The following NIPSNAP3A variants were observed in gnomAD, a reference collection of about 807,000 sequenced individuals.
NIPSNAP3A encodes the protein protein NipSnap homolog 3A.
NIPSNAP3A carries 27 observed loss-of-function variants against 32.3 expected under a neutral mutation model. The observed-to-expected ratio is 0.84, with a 90% CI of 0.62 to 1.15. The LOEUF is 1.15. Ranked by LOEUF, NIPSNAP3A falls within the 50% of genes most tolerant of loss-of-function variation. The pLI is 0.00. For synonymous variants in NIPSNAP3A, 108 were observed against 107.3 expected, an observed-to-expected ratio of 1.01 and a Z score of -0.04; for missense variants, 278 against 297.2, an observed-to-expected ratio of 0.94 and a Z score of 0.48.
intron 1 of NIPSNAP3A, among the ~76,000 whole-genome samples, chr9:104,748,841 G>T (rs1381494349): frequency 6.6e-6 from 1 of 152,194 alleles, no homozygotes; most frequent in African/African-American, 2.4e-5. Context: ...TCTCTTTTAA[G>T]TGAAGTGGAG....
intron 4 of NIPSNAP3A, among the ~76,000 whole-genome samples, chr9:104,758,055 C>T (rs1446780344): frequency 2.0e-5 from 3 of 151,952 alleles, no homozygotes; most frequent in Admixed American, 6.6e-5. Context: ...ATTATAAAAA[C>T]TTCATAAGCA....
intron 1 of NIPSNAP3A, among the ~76,000 whole-genome samples, chr9:104,748,265 G>T (rs1827802944): frequency 6.6e-6 from 1 of 152,196 alleles, no homozygotes; most frequent in Non-Finnish European, 1.5e-5. Context: ...CCAAGCCACC[G>T]CCCTCTCTAG....
chr9:104,754,622 G>A lies in NIPSNAP3A; in HGVS notation c.502G>A (p.Ala168Thr). The change falls in exon 4 of 6, where the codon GCA becomes ACA. Residue 168 changes from alanine (A) to threonine (T), a missense_variant. Transcript: ENST00000374767. ...PALWGDAFKR[A>T]VHAHVNLGYT... The stretch of plus-strand genomic sequence containing the variant: ...TCTGTGGGGTGATGCATTTAAAAGG[G>A]CAGTTCATGCTCATGTCAATCTAGG... The A allele has an allele frequency of 6.2e-7, 1 of 1,613,972 alleles. No homozygotes were observed. The highest frequency in any genetic ancestry group is 1.1e-5 in the South Asian group (1 of 91,082).
intron 4 of NIPSNAP3A, among the ~76,000 whole-genome samples, chr9:104,755,394 A>C (rs2118756877): frequency 6.6e-6 from 1 of 152,160 alleles, no homozygotes; most frequent in African/African-American, 2.4e-5. Context: ...GTTTTGTATA[A>C]ATATGAAAAC....
At position 104,753,014 on chromosome 9, in the gene NIPSNAP3A, A is replaced by T. The variant is rs1051115577; in HGVS notation, c.380A>T (p.Glu127Val). 9.3e-6 allele frequency: 15 copies of T among 1,613,388 alleles called. No individual in the cohort carries two copies. The African/African-American group carries it at 1.7e-4, about 19-fold the overall frequency. The part of the protein sequence containing the change: ...NLALIDKQES[E>V]ITYLVPWCKL... ...GCTCTCATTGATAAACAAGAGAGTG[A>T]GATTACTTATCTGGTACCATGGTGC... Residue 127 changes from glutamate (E) to valine (V), a missense_variant, in exon 3 of 6, where the codon GAG (glutamate) becomes GTG (valine). By Grantham distance (121) the Glu-to-Val change is moderately radical (BLOSUM62 -2). Transcript: ENST00000374767.
Position 104,758,461 on chromosome 9 carries a change from G to C in NIPSNAP3A, c.581-624G>C, listed in dbSNP as rs546254959. ...TAAAAATCAAGGGAAAATATAGTAG[G>C]AAATCATAAAATTTGGGTCTTGTCT... On this transcript the variant is annotated intron_variant, in intron 4 of 5. Transcript: ENST00000374767. 1.2e-3 allele frequency among the ~76,000 whole-genome samples: 186 copies of C among 152,134 alleles called. 3 individuals are homozygous for C. Among genetic ancestry groups the C allele is most frequent in the Admixed American group, 2.0e-3 (31 of 15,284 alleles).
At chr9:104,752,579 G>T (rs1827859125) in intron 2 of NIPSNAP3A, among the ~76,000 whole-genome samples, 1 of 152,144 alleles carries the variant, frequency 6.6e-6, no homozygotes, top group Non-Finnish European at 1.5e-5. Flanking sequence ...CAACCCTGGA[G>T]GTAGATGTCT....
chr9:104,751,100 T>C lies in NIPSNAP3A; in HGVS notation c.205T>C (p.Leu69=), dbSNP rs760200090. 2.5e-6 allele frequency: 4 copies of C among 1,613,934 alleles called. No individual in the cohort carries two copies. Among genetic ancestry groups the C allele is most frequent in the African/African-American group, 2.7e-5 (2 of 74,922 alleles). The part of the protein sequence containing the change: ...NAHLRTAHSE[L]VGYWSVEFGG... ...TCATCTTCGGACAGCTCACTCTGAA[T>C]TGGTTGGATACTGGAGTGTAGAATT... Residue 69 remains leucine, a synonymous_variant, in exon 2 of 6, where the codon TTG becomes CTG. Transcript: ENST00000374767.
intron 1 of NIPSNAP3A, among the ~76,000 whole-genome samples, chr9:104,749,412 G>A (rs1280811813): frequency 6.6e-6 from 1 of 152,200 alleles, no homozygotes; most frequent in Admixed American, 6.5e-5. Flanking sequence ...ATCATACACA[G>A]TTACATAATT....
chr9:104,748,060 A>G (rs1827798608), intron 1 of NIPSNAP3A, among the ~76,000 whole-genome samples: 1 of 152,122 alleles, frequency 6.6e-6, no homozygotes, highest in Non-Finnish European at 1.5e-5. Flanking sequence ...TGCTAGGGGA[A>G]TACCCCCAGC....
At chr9:104,747,906 GC>G in intron 1 of NIPSNAP3A, 54 bp downstream of exon 1, 1 of 1,504,956 alleles carries the variant, frequency 6.6e-7, no homozygotes. Context: ...GAGGGGCGGG[GC>G]GGGGAGTGTT....
intron 4 of NIPSNAP3A, among the ~76,000 whole-genome samples, chr9:104,757,285 C>G (rs1827917701): frequency 6.6e-6 from 1 of 152,060 alleles, no homozygotes; most frequent in Non-Finnish European, 1.5e-5. Flanking sequence ...AAGACATGCT[C>G]TTTGGTTCTG....
At chr9:104,750,675 T>A (rs1467613741) in intron 1 of NIPSNAP3A, among the ~76,000 whole-genome samples, 1 of 152,192 alleles carries the variant, frequency 6.6e-6, no homozygotes, top group African/African-American at 2.4e-5. Context: ...AGCCACTTGC[T>A]CAGGCCCACT....
intron 4 of NIPSNAP3A, among the ~76,000 whole-genome samples, chr9:104,756,341 G>GA (rs946787710): frequency 3.3e-5 from 5 of 149,358 alleles, no homozygotes; most frequent in Non-Finnish European, 7.4e-5. Flanking sequence ...AAACTATGAA[G>GA]AAAAAAAAAT....
intron 1 of NIPSNAP3A, among the ~76,000 whole-genome samples, chr9:104,749,125 C>A (rs542578087): frequency 6.6e-6 from 1 of 152,192 alleles, no homozygotes; most frequent in Admixed American, 6.5e-5. Flanking sequence ...CCTCCAAATA[C>A]AAATTCCTCG....
intron 3 of NIPSNAP3A, among the ~76,000 whole-genome samples, chr9:104,753,386 A>G (rs547439149): frequency 6.3e-4 from 96 of 152,356 alleles, no homozygotes; most frequent in African/African-American, 2.3e-3. Flanking sequence ...GGTAAGGGAT[A>G]GCATAAGAAG....
chr9:104,755,157 C>T (rs1827891921), intron 4 of NIPSNAP3A, among the ~76,000 whole-genome samples: 1 of 151,774 alleles, frequency 6.6e-6, no homozygotes, highest in African/African-American at 2.4e-5. Flanking sequence ...AGGAGAATCA[C>T]TTGAATCCAG....
chr9:104,752,132 CT>C (rs1232093326), intron 2 of NIPSNAP3A, among the ~76,000 whole-genome samples: 1 of 152,062 alleles, frequency 6.6e-6, no homozygotes, highest in Non-Finnish European at 1.5e-5. Context: ...ATATGAACCT[CT>C]CTTGCCATTA....
chr9:104,750,185 A>C (rs1827830599), intron 1 of NIPSNAP3A, among the ~76,000 whole-genome samples: 1 of 152,232 alleles, frequency 6.6e-6, no homozygotes, highest in Non-Finnish European at 1.5e-5. Context: ...CATAACTGTA[A>C]CACGTATGCT....
Sources: gnomAD v4.1 joint callset for allele counts (sites outside exome capture counted in the v4.1 genomes callset) on GRCh38, gnomAD v4.1.1 for gene constraint, MANE v1.5 for transcripts, NCBI Gene and HGNC (gene_info 2026-07-23, HGNC 2026-07-21) for gene names.